DIAPH2: variants seen among roughly 807,000 people sequenced by gnomAD.
DIAPH2 encodes protein diaphanous homolog 2.
Under a neutral mutation model 92.7 loss-of-function variants are expected in DIAPH2, and 35 were observed. The ratio of observed to expected loss-of-function variants is 0.38; its 90% CI spans 0.29 to 0.50. The LOEUF is 0.50. DIAPH2 is among the 20% of genes least tolerant of loss of function. The probability of loss-of-function intolerance (pLI) is 0.94; values close to 1 mark genes in which losing one functional copy is unlikely to be tolerated. For synonymous variants in DIAPH2, 301 were observed against 280.4 expected, an observed-to-expected ratio of 1.07 and a Z score of -0.73; for missense variants, 701 against 819.5, an observed-to-expected ratio of 0.86 and a Z score of 1.77.
intron 22 of DIAPH2, among the ~76,000 whole-genome samples, chrX:97,165,313 G>C (rs1337282292): frequency 1.8e-5 from 2 of 111,564 alleles, no homozygotes; most frequent in South Asian, 7.6e-4. Context: ...AGAGGTTGAA[G>C]TATTTTCTGT....
chrX:97,159,851 G>A (rs745526902), intron 22 of DIAPH2, among the ~76,000 whole-genome samples: 44 of 111,260 alleles, frequency 4.0e-4, no homozygotes, highest in Admixed American at 2.7e-3. Flanking sequence ...CAGTAATAAC[G>A]ACTGGTAACA....
chrX:97,300,338 A>T (rs1449352845), intron 23 of DIAPH2, among the ~76,000 whole-genome samples: 1 of 111,684 alleles, frequency 9.0e-6, no homozygotes, highest in Non-Finnish European at 1.9e-5. Context: ...ACAAACTTTG[A>T]CTGTCCCTGG....
intron 23 of DIAPH2, among the ~76,000 whole-genome samples, chrX:97,258,347 G>T (rs1022969232): frequency 8.9e-6 from 1 of 112,055 alleles, no homozygotes; most frequent in Non-Finnish European, 1.9e-5. Flanking sequence ...GCCAAGGTGG[G>T]TGGATCACCT....
At chrX:97,493,495 A>G (rs974999810) in intron 26 of DIAPH2, among the ~76,000 whole-genome samples, 1 of 111,224 alleles carries the variant, frequency 9.0e-6, no homozygotes, top group Non-Finnish European at 1.9e-5. Context: ...TCCCAACCTC[A>G]GGTGATCTGC....
intron 3 of DIAPH2, among the ~76,000 whole-genome samples, chrX:96,753,037 C>T (rs984122355): frequency 7.2e-5 from 8 of 111,457 alleles, no homozygotes; most frequent in Non-Finnish European, 1.3e-4. Flanking sequence ...AATGGGTACA[C>T]GGTAATGTAG....
chrX:96,770,222 TATG>T (rs2064329997), intron 4 of DIAPH2, among the ~76,000 whole-genome samples: 1 of 108,901 alleles, frequency 9.2e-6, no homozygotes, highest in South Asian at 4.0e-4. Context: ...AGGATAAACA[TATG>T]ATCAGGCTTA....
chrX:96,939,603 C>CACACAT (rs2065687482), intron 12 of DIAPH2, among the ~76,000 whole-genome samples: 2 of 53,396 alleles, frequency 3.7e-5, no homozygotes, highest in Non-Finnish European at 7.5e-5. Context: ...TGTGTATATA[C>CACACAT]ACACACACAC....
At chrX:97,061,590 C>T (rs749707151) in intron 17 of DIAPH2, among the ~76,000 whole-genome samples, 1 of 109,439 alleles carries the variant, frequency 9.1e-6, no homozygotes, top group Non-Finnish European at 1.9e-5. Flanking sequence ...AGGTGGATCA[C>T]GAGGCCAGGA....
At chrX:97,547,186 C>G (rs1363879965) in intron 26 of DIAPH2, among the ~76,000 whole-genome samples, 1 of 111,390 alleles carries the variant, frequency 9.0e-6, no homozygotes, top group Non-Finnish European at 1.9e-5. Flanking sequence ...GATGCCTCAC[C>G]TTTTCTCCCT....
chrX:97,299,797 T>A (rs1178489290), intron 23 of DIAPH2, among the ~76,000 whole-genome samples: 8 of 112,237 alleles, frequency 7.1e-5, no homozygotes, highest in Non-Finnish European at 1.1e-4. Context: ...GAAATTTAAA[T>A]CAAGGCTCTT....
chrX:96,848,927 T>G (rs2064990127), intron 4 of DIAPH2, among the ~76,000 whole-genome samples: 1 of 111,547 alleles, frequency 9.0e-6, no homozygotes, highest in African/African-American at 3.3e-5. Context: ...TCCATCACAG[T>G]TTTGGGGATC....
At chrX:97,333,546 G>A (rs1310892849) in intron 23 of DIAPH2, among the ~76,000 whole-genome samples, 1 of 109,904 alleles carries the variant, frequency 9.1e-6, no homozygotes, top group Non-Finnish European at 1.9e-5. Context: ...CATGTTCCAT[G>A]GATTCTACTT....
At chrX:96,905,612 T>C (rs954401283) in intron 5 of DIAPH2, among the ~76,000 whole-genome samples, 2 of 111,597 alleles carry the variant, frequency 1.8e-5, no homozygotes, top group African/African-American at 6.5e-5. Context: ...TCAGTATAAG[T>C]GGGTCCTTTA....
At chrX:97,261,607 A>G (rs549723352) in intron 23 of DIAPH2, among the ~76,000 whole-genome samples, 10 of 110,688 alleles carry the variant, frequency 9.0e-5, no homozygotes, top group Non-Finnish European at 1.5e-4. Flanking sequence ...AGGTCTGGCT[A>G]TGTTGACCAG....
intron 25 of DIAPH2, among the ~76,000 whole-genome samples, chrX:97,421,606 C>G (rs1036087559): frequency 1.8e-5 from 2 of 111,822 alleles, no homozygotes; most frequent in Non-Finnish European, 3.8e-5. Context: ...CAATAATGAC[C>G]AAATTGGCCA....
intron 26 of DIAPH2, among the ~76,000 whole-genome samples, chrX:97,466,285 G>A (rs1021058597): frequency 1.8e-5 from 2 of 111,771 alleles, no homozygotes; most frequent in East Asian, 5.6e-4. Flanking sequence ...TAATTCTGTA[G>A]CTCCTAAAGT....
chrX:97,125,243 G>A (rs1602358229), intron 21 of DIAPH2, among the ~76,000 whole-genome samples: 1 of 110,376 alleles, frequency 9.1e-6, no homozygotes, highest in Non-Finnish European at 1.9e-5. Context: ...GGGAGGCCGA[G>A]GCGGGTGGAT....
intron 3 of DIAPH2, among the ~76,000 whole-genome samples, chrX:96,755,676 A>G (rs1389522741): frequency 9.2e-6 from 1 of 108,118 alleles, no homozygotes; most frequent in African/African-American, 3.4e-5. Context: ...AAATAAAATA[A>G]CATTGATACT....
At chrX:96,849,028 G>T (rs1002250574) in intron 4 of DIAPH2, among the ~76,000 whole-genome samples, 1 of 111,958 alleles carries the variant, frequency 8.9e-6, no homozygotes, top group Non-Finnish European at 1.9e-5. Context: ...GCCATCAGAA[G>T]TATTATCTAG....
Sources: allele counts gnomAD v4.1 joint callset (sites outside exome capture counted in the v4.1 genomes callset), GRCh38; gene constraint gnomAD v4.1.1; transcripts MANE v1.5; gene names NCBI Gene and HGNC (gene_info 2026-07-23, HGNC 2026-07-21).